UNKL: variants seen among roughly 807,000 people sequenced by gnomAD.
UNKL encodes putative E3 ubiquitin-protein ligase UNKL.
In UNKL, 60 loss-of-function variants were observed where a neutral mutation model predicts 78.0. The ratio of observed to expected loss-of-function variants is 0.77; its 90% CI spans 0.63 to 0.95. UNKL has a LOEUF of 0.95. Ranked by LOEUF, UNKL falls within the 40% of genes least tolerant of loss-of-function variation. The pLI is 0.00. For missense variants in UNKL, 1,159 were observed against 1,045.7 expected (o/e 1.11, Z -1.49); for synonymous variants, 608 against 474.8 (o/e 1.28, Z -3.65).
intron 12 of UNKL, 103 bp from the exon 13 acceptor site, chr16:1,367,961 C>T: frequency 9.4e-7 from 1 of 1,066,496 alleles, no homozygotes; most frequent in Non-Finnish European, 1.4e-6. Context: ...TGGGCACCCT[C>T]TGGGGCTCAC....
At chr16:1,396,906 G>C in intron 6 of UNKL, 1 of 471,068 alleles carries the variant, frequency 2.1e-6, no homozygotes, top group Non-Finnish European at 3.8e-6. Context: ...GTTTTTAATT[G>C]ACATTTTCTC....
intron 2 of UNKL, among the ~76,000 whole-genome samples, chr16:1,410,559 A>G (rs1416489790): frequency 1.3e-5 from 2 of 152,158 alleles, no homozygotes; most frequent in Non-Finnish European, 2.9e-5. Context: ...GTGAGCCGAG[A>G]TCACGCCACT....
chr16:1,396,310 A>G (rs1414127255), intron 6 of UNKL, among the ~76,000 whole-genome samples: 1 of 149,338 alleles, frequency 6.7e-6, no homozygotes, highest in Non-Finnish European at 1.5e-5. Context: ...GCTGGAGTGC[A>G]GTGGCGTGAT....
At chr16:1,407,653 A>C (rs1244936356) in intron 2 of UNKL, among the ~76,000 whole-genome samples, 2 of 148,980 alleles carry the variant, frequency 1.3e-5, no homozygotes, top group Admixed American at 6.7e-5. Context: ...CCAAGATCAC[A>C]CCACTGCACT....
At chr16:1,366,761 G>A (rs141707808) in intron 14 of UNKL, among the ~76,000 whole-genome samples, 15 of 152,312 alleles carry the variant, frequency 9.8e-5, no homozygotes, top group African/African-American at 3.4e-4. Flanking sequence ...GAGGTGAGGA[G>A]GGGCACGCCG....
At chr16:1,405,193 T>C (rs2037695767) in intron 2 of UNKL, among the ~76,000 whole-genome samples, 2 of 27,628 alleles carry the variant, frequency 7.2e-5, no homozygotes, top group Admixed American at 6.3e-4. Context: ...AGACCCTGTC[T>C]CAAAAAAAAA....
chr16:1,399,559 TG>T lies in UNKL; in HGVS notation c.599-51del. On this transcript the variant is annotated intron_variant, in intron 4 of 14. Coordinates refer to ENST00000389221, the MANE Select transcript of UNKL (RefSeq NM_001372107.1). This position sits in a 1 kb window ranked among gnomAD's most constrained non-coding sequence, Gnocchi z 5.8. ...TGAGCAGCGCGACTGGAAGCAATGC[TG>T]GGCAGAGGAGACCAAAGGTGGAAGG... 6.4e-7 allele frequency: 1 copy of T among 1,556,540 alleles called. No homozygotes were observed. The highest frequency in any genetic ancestry group is 8.7e-7 in the Non-Finnish European group (1 of 1,154,276).
rs1420725048 is a variant in UNKL, at chr16:1,364,222, G to A, written c.*2018C>T. 6.6e-6 allele frequency: 1 copy of A among 152,222 alleles called. No individual in the cohort carries two copies. The highest frequency in any genetic ancestry group is 6.5e-5 in the Admixed American group (1 of 15,286). 9.4% of individuals were successfully genotyped at this position (152,222 alleles called of 1,614,324 possible). A position where few individuals can be genotyped will look rare whatever the true frequency, so the allele number is the denominator to read the frequency against. On this transcript the variant is annotated 3_prime_UTR_variant, in exon 15 of 15. Coordinates refer to ENST00000389221, the MANE Select transcript of UNKL (RefSeq NM_001372107.1). ...CCAAGTCGATAGTTACCTTGGAGTAGTGGACTAGCTGCAGAATGTCACGGA... is the reference window on the plus strand; with the variant it reads ...CCAAGTCGATAGTTACCTTGGAGTAATGGACTAGCTGCAGAATGTCACGGA...
At chr16:1,391,898 G>C (rs1162357344) in intron 8 of UNKL, among the ~76,000 whole-genome samples, 1 of 151,954 alleles carries the variant, frequency 6.6e-6, no homozygotes, top group Non-Finnish European at 1.5e-5. Context: ...ATGTTCATCA[G>C]GCCGGTCTCG....
At chr16:1,404,448 C>T (rs193163345) in intron 2 of UNKL, among the ~76,000 whole-genome samples, 2 of 152,274 alleles carry the variant, frequency 1.3e-5, no homozygotes, top group African/African-American at 2.4e-5. Flanking sequence ...TCAGAGAGGC[C>T]GACCCAGGCT....
intron 3 of UNKL, among the ~76,000 whole-genome samples, chr16:1,402,941 G>T (rs199577072): frequency 2.7e-5 from 4 of 149,792 alleles, no homozygotes; most frequent in Non-Finnish European, 4.5e-5. Context: ...GCAGTGAGCT[G>T]AGATCGCGCC....
rs2035672202 is a variant in UNKL, at chr16:1,370,073, G to A, written c.1585+57C>T. 12 of 1,548,320 alleles carry A rather than the reference G, an allele frequency of 7.8e-6. 1 individual carries two copies. The South Asian group carries it at 1.2e-4, about 15-fold the overall frequency. ...GCCCCTCAGTCAGGACGGCATCTGG[G>A]AGGGAGCCCCACGGAGGCTTCACGG... On this transcript the variant is annotated intron_variant, in intron 12 of 14. Transcript: ENST00000389221.
At position 1,367,082 on chromosome 16, in the gene UNKL, C is replaced by T; in HGVS notation, c.2046+10G>A. The T allele has an allele frequency of 1.3e-6, 2 of 1,536,128 alleles. No individual in the cohort carries two copies. The highest frequency in any genetic ancestry group is 8.7e-7 in the Non-Finnish European group (1 of 1,145,056). ...GGCTGGCCCCTCACCCTGCCCAGAG[C>T]AGGACTCACGCCGTCCACCGCCTCC... On this transcript the variant is annotated intron_variant, in intron 14 of 14. Transcript: ENST00000389221.
chr16:1,369,962 G>C (rs914877363), intron 12 of UNKL, 168 bp downstream of exon 12: 1 of 1,550,274 alleles, frequency 6.5e-7, no homozygotes, highest in Admixed American at 2.0e-5. Flanking sequence ...GCGACAGAGC[G>C]AGACTCGGTC....
intron 1 of UNKL, 27 bp from the exon 2 acceptor site, chr16:1,414,082 C>G: frequency 1.3e-6 from 2 of 1,521,332 alleles, no homozygotes; most frequent in Non-Finnish European, 1.8e-6. Flanking sequence ...CGCCGCGGCT[C>G]GCTTCCGGCA....
In UNKL at chr16:1,414,602, G is replaced by T; in HGVS notation, c.77+13C>A. On this transcript the variant is annotated intron_variant, in intron 1 of 14. Transcript: ENST00000389221. ...GGCGCGGGCGGGGGGCCGCAGGCCG[G>T]ACGGGCGCTGACCTGTAGTGGGTCG... 1 of 1,042,970 alleles carries T rather than the reference G, an allele frequency of 9.6e-7. No homozygotes were observed. The highest frequency in any genetic ancestry group is 1.2e-6 in the Non-Finnish European group (1 of 862,322). The allele number at this position is 1,042,970 out of a possible 1,614,324, so 64.6% of individuals were successfully genotyped here. A position where few individuals can be genotyped will look rare whatever the true frequency, so the allele number is the denominator to read the frequency against.
Position 1,367,295 on chromosome 16 carries a change from C to A in UNKL, c.1843G>T (p.Ala615Ser). The change falls in exon 14 of 15, where the codon GCC becomes TCC. Residue 615 changes from alanine (A) to serine (S), a missense_variant. Coordinates refer to ENST00000389221, the MANE Select transcript of UNKL (RefSeq NM_001372107.1). ...AQEAKERARV[A>S]DSDRQLALQK... ...AGCGCCAGCTGCCGGTCGCTATCGG[C>A]CACACGGGCACGCTCCTTGGCCTCC... The A allele has an allele frequency of 1.3e-6, 2 of 1,560,346 alleles. No homozygotes were observed. The highest frequency in any genetic ancestry group is 1.2e-5 in the South Asian group (1 of 85,036).
Position 1,399,020 on chromosome 16 carries a change from C to T in UNKL, c.734+354G>A. 6.9e-6 allele frequency: 10 copies of T among 1,450,136 alleles called. No homozygotes were observed. Among genetic ancestry groups the T allele is most frequent in the Non-Finnish European group, 9.1e-6 (10 of 1,099,622 alleles). The allele number at this position is 1,450,136 out of a possible 1,614,324, so 89.8% of individuals were successfully genotyped here. On this transcript the variant is annotated intron_variant, in intron 5 of 14. Coordinates refer to ENST00000389221, the MANE Select transcript of UNKL (RefSeq NM_001372107.1). This position sits in a 1 kb window ranked among gnomAD's most constrained non-coding sequence, Gnocchi z 5.8. ...TTGGGTGAGGAGACAGCATGCAGCC[C>T]ACAGGCTGGAGAGCGTGGCTGCAAC... is the stretch of plus-strand genomic sequence containing the variant.
chr16:1,371,713 C>A lies in UNKL; in HGVS notation c.1265-102G>T, dbSNP rs1415281053. The A allele has an allele frequency of 7.2e-6, 9 of 1,250,036 alleles. No homozygotes were observed. The African/African-American group carries it at 1.2e-4, about 17-fold the overall frequency. The allele number at this position is 1,250,036 out of a possible 1,614,324, so 77.4% of individuals were successfully genotyped here. Reference sequence around the variant, plus strand: ...CGTCCCACCTGGGCTTAGAGTGAGACCAAGGGCAGAAGGCGTGGGAGTTGC... The same window carrying A: ...CGTCCCACCTGGGCTTAGAGTGAGAACAAGGGCAGAAGGCGTGGGAGTTGC... On this transcript the variant is annotated intron_variant, in intron 10 of 14. Coordinates refer to ENST00000389221, the MANE Select transcript of UNKL (RefSeq NM_001372107.1).
Sources: allele counts gnomAD v4.1 joint callset (sites outside exome capture counted in the v4.1 genomes callset), GRCh38; gene constraint gnomAD v4.1.1; non-coding constraint Gnocchi (gnomAD v3.1); transcripts MANE v1.5; gene names NCBI Gene and HGNC (gene_info 2026-07-23, HGNC 2026-07-21).